Variants in FREM1 observed in about 807,000 individuals in gnomAD.
The protein encoded by FREM1 is FRAS1-related extracellular matrix protein 1.
In FREM1, 220 loss-of-function variants were observed where a neutral mutation model predicts 210.1. That is an observed-to-expected ratio of 1.05 (90% CI 0.94 to 1.17). The LOEUF is 1.17. FREM1 is among the 50% of genes most tolerant of loss of function. The pLI is 0.00. For missense variants in FREM1, 3,454 were observed against 2,675.5 expected (o/e 1.29, Z -6.42); for synonymous variants, 1,189 against 980.2 (o/e 1.21, Z -3.98).
At chr9:14,782,729 T>G (rs919584322) in intron 24 of FREM1, among the ~76,000 whole-genome samples, 2 of 152,088 alleles carry the variant, frequency 1.3e-5, no homozygotes, top group African/African-American at 4.8e-5. Flanking sequence ...ACAGTAAGAG[T>G]AGTAGCTAAC....
chr9:14,777,804 T>C (rs760590406), intron 24 of FREM1, among the ~76,000 whole-genome samples: 49 of 152,080 alleles, frequency 3.2e-4, no homozygotes, highest in Non-Finnish European at 5.9e-4. Flanking sequence ...AGCTATTAGA[T>C]AGTGTGAAAG....
rs1454947545 is a variant in FREM1 at position 14,775,785 on chromosome 9, T to C, written c.4857+4A>G. On this transcript the variant is annotated splice_donor_region_variant and intron_variant, in intron 25 of 36. Coordinates refer to ENST00000380880, the MANE Select transcript of FREM1 (RefSeq NM_001379081.2). ...GGCAAATGAACTGTGTTTTTCATAC[T>C]TGCCTGAATGGTGAATAAAACAGGT... 6.3e-7 allele frequency: 1 copy of C among 1,594,610 alleles called. No homozygotes were observed. Among genetic ancestry groups the C allele is most frequent in the East Asian group, 2.2e-5 (1 of 44,456 alleles).
At chr9:14,853,088 G>T (rs1252047986) in intron 5 of FREM1, among the ~76,000 whole-genome samples, 1 of 152,154 alleles carries the variant, frequency 6.6e-6, no homozygotes, top group African/African-American at 2.4e-5. Flanking sequence ...ACATTGGCAC[G>T]GAGCAGGAAG....
intron 21 of FREM1, among the ~76,000 whole-genome samples, chr9:14,796,772 T>C (rs1852477162): frequency 6.6e-6 from 1 of 152,202 alleles, no homozygotes; most frequent in Non-Finnish European, 1.5e-5. Context: ...CTTCCTCTTC[T>C]GTCATGATTG....
intron 3 of FREM1, among the ~76,000 whole-genome samples, chr9:14,860,670 T>TACACACATATACATATAC (rs1829779561): frequency 7.9e-6 from 1 of 125,954 alleles, no homozygotes; most frequent in African/African-American, 3.4e-5. Context: ...TATACATATA[T>TACACACATATACATATAC]ACACACATAT....
intron 6 of FREM1, 95 bp downstream of exon 6, chr9:14,851,189 T>C (rs185062675): frequency 6.2e-4 from 542 of 867,588 alleles, no homozygotes; most frequent in Non-Finnish European, 8.6e-4. Context: ...TCTGAGGCAA[T>C]GAATGTACAA....
chr9:14,779,326 T>C, intron 24 of FREM1: 1 of 216,066 alleles, frequency 4.6e-6, no homozygotes. Flanking sequence ...CCAAAGGACG[T>C]GTATTTTTAG....
At chr9:14,897,832 G>C (rs951551879) in intron 1 of FREM1, among the ~76,000 whole-genome samples, 11 of 152,278 alleles carry the variant, frequency 7.2e-5, no homozygotes, top group Middle Eastern at 3.4e-3. Context: ...GTCCTTAAGT[G>C]ATACTCCTGC....
rs544457864 is a variant in FREM1, at chr9:14,759,572, A to G, written c.5334+200T>C. On this transcript the variant is annotated intron_variant, in intron 28 of 36. Coordinates refer to ENST00000380880, the MANE Select transcript of FREM1 (RefSeq NM_001379081.2). ...GCTTCAGCAACACGTACACTAAAAAATCATATCTCAGAGTTTATGAACTTA... is the reference window on the plus strand; with the variant it reads ...GCTTCAGCAACACGTACACTAAAAAGTCATATCTCAGAGTTTATGAACTTA... 1.6e-3 allele frequency among the ~76,000 whole-genome samples: 168 copies of G among 106,526 alleles called. 1 individual carries two copies. Among genetic ancestry groups the G allele is most frequent in the Middle Eastern group, 9.7e-3 (2 of 206 alleles). 69.9% of individuals were successfully genotyped at this position (106,526 alleles called of 152,430 possible).
intron 27 of FREM1, among the ~76,000 whole-genome samples, chr9:14,767,049 T>C (rs1017055469): frequency 6.6e-6 from 1 of 152,232 alleles, no homozygotes; most frequent in Non-Finnish European, 1.5e-5. Context: ...CACATTTCTT[T>C]TGTTTTTCTA....
At chr9:14,743,955 A>G (rs924564221) in intron 35 of FREM1, among the ~76,000 whole-genome samples, 5 of 152,148 alleles carry the variant, frequency 3.3e-5, no homozygotes, top group Admixed American at 1.3e-4. Context: ...TCTAGTTAAG[A>G]TGTCATTTTA....
chr9:14,856,797 C>T (rs1828832816), intron 5 of FREM1, among the ~76,000 whole-genome samples: 1 of 146,914 alleles, frequency 6.8e-6, no homozygotes, highest in Non-Finnish European at 1.5e-5. Context: ...TATTGCGCTA[C>T]TGCACTCCAG....
At position 14,805,066 on chromosome 9, in the gene FREM1, A is replaced by C; in HGVS notation, c.3361T>G (p.Phe1121Val). The C allele has an allele frequency of 1.2e-6, 2 of 1,613,284 alleles. No homozygotes were observed. Among genetic ancestry groups the C allele is most frequent in the Non-Finnish European group, 1.7e-6 (2 of 1,179,228 alleles). ...TTCCCATCTGTGACGTACACCGTGA[A>C]CTGGTCGGCAGTTGGTTCTATCCTC... Reference protein sequence around the residue: ...HLRIEPTADQFTVYVTDGKHH... With the variant: ...HLRIEPTADQVTVYVTDGKHH... Residue 1121 changes from phenylalanine to valine, a missense_variant, in exon 19 of 37, where the codon TTC (phenylalanine) becomes GTC (valine). Physicochemically the swap from Phe to Val is conservative, Grantham distance 50. Transcript: ENST00000380880.
intron 1 of FREM1, among the ~76,000 whole-genome samples, chr9:14,879,416 AAAG>A (rs145060769): frequency 0.025 from 3,765 of 152,308 alleles, 71 homozygotes; most frequent in Non-Finnish European, 0.035. Context: ...TCAAACACCG[AAAG>A]AAGAAGTGAG....
chr9:14,789,342 C>T (rs1028150657), intron 22 of FREM1, among the ~76,000 whole-genome samples: 9 of 152,012 alleles, frequency 5.9e-5, no homozygotes, highest in African/African-American at 2.4e-5. Context: ...GGGTTTCAGA[C>T]GAAGTCAAAC....
chr9:14,769,868 C>A lies in FREM1; in HGVS notation c.5060G>T (p.Gly1687Val). 6.2e-6 allele frequency: 9 copies of A among 1,445,640 alleles called. No individual in the cohort carries two copies. Among genetic ancestry groups the A allele is most frequent in the South Asian group, 4.0e-5 (3 of 74,920 alleles). The allele number at this position is 1,445,640 out of a possible 1,614,324, so 89.6% of individuals were successfully genotyped here. A position where few individuals can be genotyped will look rare whatever the true frequency, so the allele number is the denominator to read the frequency against. The change falls in exon 27 of 37, where the codon GGT (glycine) becomes GTT (valine). Residue 1687 changes from glycine to valine, a missense_variant and splice_region_variant. Coordinates refer to ENST00000380880, the MANE Select transcript of FREM1 (RefSeq NM_001379081.2). ...GCTAAATTTCTCATGGATAAATTCA[C>A]CTAAAAAAAGAAATAAATGAATATC... The part of the protein sequence containing the change: ...KHGHLENTTT[G>V]EFIHEKFSQK...
chr9:14,851,381 G>GA lies in FREM1; in HGVS notation c.1054_1055insT (p.Thr352IlefsTer14). On this transcript the variant is annotated frameshift_variant, in exon 6 of 37. Transcript: ENST00000380880. LOFTEE classifies it high-confidence loss of function. ...CCAGGTGAATGAGGAGATTGGTCTG[G>GA]TGTGATCCAACAGGTGAGTCACATA... 6.2e-7 allele frequency: 1 copy of GA among 1,613,870 alleles called. No individual in the cohort carries two copies. The highest frequency in any genetic ancestry group is 2.2e-5 in the East Asian group (1 of 44,872).
chr9:14,749,607 C>T (rs1450939861), intron 30 of FREM1, among the ~76,000 whole-genome samples: 2 of 152,192 alleles, frequency 1.3e-5, no homozygotes, highest in Non-Finnish European at 2.9e-5. Context: ...TTAGCATAGA[C>T]AATCCAGGAC....
chr9:14,906,392 GAACC>G (rs1250147109), intron 1 of FREM1, among the ~76,000 whole-genome samples: 2 of 152,110 alleles, frequency 1.3e-5, no homozygotes, highest in Non-Finnish European at 2.9e-5. Flanking sequence ...GGGTAATATA[GAACC>G]ATCCTACCAT....
Sources: gnomAD v4.1 joint callset for allele counts (sites outside exome capture counted in the v4.1 genomes callset) on GRCh38, gnomAD v4.1.1 for gene constraint, MANE v1.5 for transcripts, NCBI Gene and HGNC (gene_info 2026-07-23, HGNC 2026-07-21) for gene names.